Variants in HIVEP3 observed in about 807,000 individuals in gnomAD.
HIVEP3 encodes the protein HIVEP zinc finger 3.
Under a neutral mutation model 152.8 loss-of-function variants are expected in HIVEP3, and 49 were observed. The observed-to-expected ratio is 0.32, with a 90% CI of 0.26 to 0.41. The LOEUF (loss-of-function observed/expected upper bound fraction) is 0.41. Ranked by LOEUF, HIVEP3 falls within the 10% of genes least tolerant of loss-of-function variation. HIVEP3 has a pLI of 1.00. For synonymous variants in HIVEP3, 1,269 were observed against 1,289.0 expected (o/e 0.98, Z 0.33); for missense variants, 2,790 against 3,103.3 (o/e 0.90, Z 2.40).
At position 41,662,998 on chromosome 1, in the gene HIVEP3, G is replaced by C. The variant is rs539986098; in HGVS notation, c.-720-34051C>G. On this transcript the variant is annotated intron_variant, in intron 2 of 8. Transcript: ENST00000372583. The surrounding 1 kb of genome is among the most constrained non-coding windows in gnomAD (Gnocchi z 7.2). ...GCCTCCCTGGGCTCAGGCCTGGGGT[G>C]GGGGCGGGGGACACCCCGGGGCTTC... Among the ~76,000 whole-genome samples, 20 of 152,318 alleles carry C rather than the reference G, an allele frequency of 1.3e-4. No individual in the cohort carries two copies. The highest frequency in any genetic ancestry group is 1.1e-3 in the Admixed American group (17 of 15,310).
At chr1:41,851,289 C>CTTTTTTTTTTTTTTTTTTTTTTTTT (rs34180186) in intron 1 of HIVEP3, among the ~76,000 whole-genome samples, 1 of 59,798 alleles carries the variant, frequency 1.7e-5, no homozygotes, top group Non-Finnish European at 2.9e-5. Flanking sequence ...TCTTCTTCTT[C>CTTTTTTTTTTTTTTTTTTTTTTTTT]TTTTTTTTTT....
In HIVEP3 at chr1:41,873,836, G is replaced by A. The variant is rs1316455085; in HGVS notation, c.-801+44577C>T. Among the ~76,000 whole-genome samples the A allele has an allele frequency of 6.6e-6, 1 of 152,156 alleles. No individual in the cohort carries two copies. The highest frequency in any genetic ancestry group is 2.4e-5 in the African/African-American group (1 of 41,438). ...TGGGATTCAAGAGACCAAACCATGG[G>A]GTCTAGGGGAAATAAGGAACCCCTC... On this transcript the variant is annotated intron_variant, in intron 1 of 8. Coordinates refer to ENST00000372583, the MANE Select transcript of HIVEP3 (RefSeq NM_024503.5). This position sits in a 1 kb window ranked among gnomAD's most constrained non-coding sequence, Gnocchi z 4.2.
chr1:41,510,432 T>C lies in HIVEP3; in HGVS notation c.*19A>G, dbSNP rs958648522. On this transcript the variant is annotated 3_prime_UTR_variant, in exon 9 of 9. Coordinates refer to ENST00000372583, the MANE Select transcript of HIVEP3 (RefSeq NM_024503.5). ...TTGCTGGACACTGGAAGCCAGATGC[T>C]GAAGCAGTTGGAGAGAGGCTAAGCG... The C allele has an allele frequency of 4.1e-6, 6 of 1,456,668 alleles. No individual in the cohort carries two copies. Among genetic ancestry groups the C allele is most frequent in the Non-Finnish European group, 5.4e-6 (6 of 1,102,338 alleles). The allele number at this position is 1,456,668 out of a possible 1,614,324, so 90.2% of individuals were successfully genotyped here. A position where few individuals can be genotyped will look rare whatever the true frequency, so the allele number is the denominator to read the frequency against.
At chr1:41,896,576 TC>T (rs1644530758) in intron 1 of HIVEP3, among the ~76,000 whole-genome samples, 1 of 143,048 alleles carries the variant, frequency 7.0e-6, no homozygotes, top group Non-Finnish European at 1.5e-5. Context: ...ACTTTTCTTT[TC>T]TTTTTTTTTT....
chr1:41,609,428 T>C (rs1419670929), intron 3 of HIVEP3, among the ~76,000 whole-genome samples: 1 of 152,350 alleles, frequency 6.6e-6, no homozygotes, highest in Middle Eastern at 3.4e-3. Flanking sequence ...CGTGCAAGCC[T>C]CCGTGTAGGC....
Position 41,581,055 on chromosome 1 carries a change from A to C in HIVEP3, c.3743T>G (p.Leu1248Arg). Reference protein sequence around the residue: ...FFLPLQSQFALQLPGDVESHL... With the variant: ...FFLPLQSQFARQLPGDVESHL... ...GCTTTCCACATCACCAGGGAGCTGA[A>C]GTGCAAACTGGGATTGCAGAGGCAG... Residue 1248 changes from leucine (L) to arginine (R), a missense_variant, in exon 4 of 9, where the codon CTT (leucine) becomes CGT (arginine). Leu to Arg is a moderately radical substitution (Grantham distance 102, BLOSUM62 -2). This residue lies in a region of HIVEP3 where 1,078 missense variants were observed against 1,165.3 expected (regional missense o/e 0.93). Transcript: ENST00000372583. The surrounding 1 kb of genome is among the most constrained non-coding windows in gnomAD (Gnocchi z 4.5). 6.4e-7 allele frequency: 1 copy of C among 1,558,858 alleles called. No homozygotes were observed. Among genetic ancestry groups the C allele is most frequent in the Non-Finnish European group, 8.7e-7 (1 of 1,151,408 alleles).
At chr1:41,741,189 G>C (rs1646991586) in intron 1 of HIVEP3, among the ~76,000 whole-genome samples, 2 of 152,192 alleles carry the variant, frequency 1.3e-5, no homozygotes, top group Admixed American at 6.5e-5. Context: ...ACACAGATCT[G>C]TTTGCTTTCA....
intron 1 of HIVEP3, among the ~76,000 whole-genome samples, chr1:41,726,408 TG>T (rs1244695678): frequency 1.3e-5 from 2 of 152,172 alleles, no homozygotes; most frequent in African/African-American, 4.8e-5. Flanking sequence ...TGAGGCCCTT[TG>T]AGAAGCTGTT....
At chr1:42,014,522 A>G (rs1323125570) in intron 1 of HIVEP3, among the ~76,000 whole-genome samples, 1 of 152,180 alleles carries the variant, frequency 6.6e-6, no homozygotes, top group African/African-American at 2.4e-5. Flanking sequence ...TGCGCCAACA[A>G]TATCCACATC....
intron 1 of HIVEP3, chr1:41,864,470 G>A (rs1643933069): frequency 6.6e-6 from 1 of 152,318 alleles, no homozygotes; most frequent in African/African-American, 2.4e-5. Context: ...ACATAGAGAT[G>A]CTCCTACTTA....
At chr1:41,624,518 G>C (rs1378113888) in intron 3 of HIVEP3, among the ~76,000 whole-genome samples, 1 of 152,146 alleles carries the variant, frequency 6.6e-6, no homozygotes, top group East Asian at 1.9e-4. Context: ...CTTCAGTTAG[G>C]AAGAGTGGAG....
chr1:41,845,423 A>G (rs761644384), intron 1 of HIVEP3, among the ~76,000 whole-genome samples: 214 of 29,258 alleles, frequency 7.3e-3, no homozygotes, highest in Non-Finnish European at 0.012. Flanking sequence ...ACACACGCAC[A>G]CACACACACA....
intron 1 of HIVEP3, among the ~76,000 whole-genome samples, chr1:41,877,880 A>G (rs1557476134): frequency 6.6e-6 from 1 of 152,208 alleles, no homozygotes; most frequent in East Asian, 1.9e-4. Context: ...TGATAATCAG[A>G]TAATTTAAAT....
chr1:41,604,526 G>A (rs1644790534), intron 3 of HIVEP3, among the ~76,000 whole-genome samples: 1 of 152,156 alleles, frequency 6.6e-6, no homozygotes, highest in Non-Finnish European at 1.5e-5. Flanking sequence ...TTCCTCCCTA[G>A]TGAATGGGAT....
chr1:41,877,779 T>A (rs1424191673), intron 1 of HIVEP3, among the ~76,000 whole-genome samples: 1 of 152,218 alleles, frequency 6.6e-6, no homozygotes, highest in Non-Finnish European at 1.5e-5. Flanking sequence ...GTGGGATTCA[T>A]CTTATCTTTC....
chr1:41,784,274 G>A (rs565002042), intron 1 of HIVEP3, among the ~76,000 whole-genome samples: 2 of 152,152 alleles, frequency 1.3e-5, no homozygotes, highest in Non-Finnish European at 2.9e-5. Context: ...TTAACATGTA[G>A]TATGAAAAAA....
chr1:41,747,958 G>A (rs1434273013), intron 1 of HIVEP3, among the ~76,000 whole-genome samples: 1 of 152,218 alleles, frequency 6.6e-6, no homozygotes, highest in Non-Finnish European at 1.5e-5. Context: ...GATGGAAGAA[G>A]GCCACCAGCA....
At chr1:41,771,867 G>A (rs566396403) in intron 1 of HIVEP3, among the ~76,000 whole-genome samples, 137 of 152,040 alleles carry the variant, frequency 9.0e-4, no homozygotes, top group African/African-American at 3.3e-3. Flanking sequence ...GGGTTTCACC[G>A]TGTTAGCCAG....
At chr1:41,983,405 C>T (rs1019079575) in intron 1 of HIVEP3, among the ~76,000 whole-genome samples, 3 of 152,144 alleles carry the variant, frequency 2.0e-5, no homozygotes, top group African/African-American at 4.8e-5. Context: ...TAGTTCAAAA[C>T]ATGATCACAC....
Sources: allele counts gnomAD v4.1 joint callset (sites outside exome capture counted in the v4.1 genomes callset), GRCh38; gene constraint gnomAD v4.1.1; regional missense constraint gnomAD v4.1.1; non-coding constraint Gnocchi (gnomAD v3.1); transcripts MANE v1.5; gene names NCBI Gene and HGNC (gene_info 2026-07-23, HGNC 2026-07-21).